PIGL: variants seen among roughly 807,000 people sequenced by gnomAD.
PIGL encodes N-acetylglucosaminyl-phosphatidylinositol de-N-acetylase.
In PIGL, 22 loss-of-function variants were observed where a neutral mutation model predicts 31.1. That is an observed-to-expected ratio of 0.71 (90% CI 0.51 to 1.01). PIGL has a LOEUF of 1.01. PIGL is among the 50% of genes least tolerant of loss of function. The pLI, the probability that PIGL is intolerant of heterozygous loss-of-function variation, is 0.00. For missense variants in PIGL, 302 were observed against 315.9 expected (o/e 0.96, Z 0.33); for synonymous variants, 131 against 117.4 (o/e 1.12, Z -0.75).
At chr17:16,316,822 G>C (rs766411585) in intron 5 of PIGL, 110 bp downstream of exon 5, 1 of 1,548,480 alleles carries the variant, frequency 6.5e-7, no homozygotes, top group Non-Finnish European at 8.8e-7. Flanking sequence ...AGCAGAGGCA[G>C]TGGTTGGGGA....
At chr17:16,299,785 C>T (rs1466100310) in intron 2 of PIGL, 103 bp from the exon 3 acceptor site, 3 of 805,430 alleles carry the variant, frequency 3.7e-6, no homozygotes, top group East Asian at 2.5e-5. Context: ...GGACCCTTAC[C>T]CCCAATGTAA....
chr17:16,262,080 G>A (rs1351139168), intron 2 of PIGL, among the ~76,000 whole-genome samples: 2 of 151,836 alleles, frequency 1.3e-5, no homozygotes, highest in African/African-American at 2.4e-5. Context: ...AAAATTAGCC[G>A]GGTGTGGTGG....
chr17:16,228,879 C>T (rs2092665883), intron 1 of PIGL, among the ~76,000 whole-genome samples: 1 of 152,104 alleles, frequency 6.6e-6, no homozygotes, highest in South Asian at 2.1e-4. Flanking sequence ...CTAGGTAACT[C>T]GAATAAGTGG....
At chr17:16,299,676 A>AGCT (rs2092996214) in intron 2 of PIGL, among the ~76,000 whole-genome samples, 1 of 152,206 alleles carries the variant, frequency 6.6e-6, no homozygotes, top group Admixed American at 6.5e-5. Flanking sequence ...ACAAGCATAA[A>AGCT]GCTCCAAAAG....
intron 3 of PIGL, among the ~76,000 whole-genome samples, chr17:16,303,130 T>C (rs1460587232): frequency 6.6e-6 from 1 of 152,152 alleles, no homozygotes; most frequent in African/African-American, 2.4e-5. Flanking sequence ...CCCAGAAAAG[T>C]GATCTGTGGT....
intron 1 of PIGL, among the ~76,000 whole-genome samples, chr17:16,225,098 A>T (rs2092646151): frequency 6.6e-6 from 1 of 152,136 alleles, no homozygotes; most frequent in African/African-American, 2.4e-5. Flanking sequence ...CTATCTGTTA[A>T]TAGTTTTATA....
At position 16,299,376 on chromosome 17, in the gene PIGL, A is replaced by G. The variant is rs558965043; in HGVS notation, c.336-512A>G. 3.3e-5 allele frequency among the ~76,000 whole-genome samples: 5 copies of G among 150,724 alleles called. No homozygotes were observed. In the East Asian group the frequency reaches 9.9e-4, roughly 30 times the overall value. ...AGGCTGAGGCAGGAACCCCGGAGGCAAAGGTTGTAGTGAGCCGAGATCTCA... is the reference window on the plus strand; with the variant it reads ...AGGCTGAGGCAGGAACCCCGGAGGCGAAGGTTGTAGTGAGCCGAGATCTCA... On this transcript the variant is annotated intron_variant, in intron 2 of 6. Coordinates refer to ENST00000225609, the MANE Select transcript of PIGL (RefSeq NM_004278.4).
At chr17:16,253,408 T>C (rs921297216) in intron 2 of PIGL, among the ~76,000 whole-genome samples, 1 of 152,178 alleles carries the variant, frequency 6.6e-6, no homozygotes, top group Non-Finnish European at 1.5e-5. Context: ...AAAGAAACAA[T>C]TTATAGTTGA....
intron 2 of PIGL, among the ~76,000 whole-genome samples, chr17:16,238,195 CAA>C (rs529480311): frequency 6.9e-5 from 4 of 57,560 alleles, no homozygotes; most frequent in Admixed American, 1.8e-4. Flanking sequence ...GACTCCGTCT[CAA>C]AAAAAAAAAA....
chr17:16,223,092 C>T (rs772313866), intron 1 of PIGL, among the ~76,000 whole-genome samples: 3 of 152,122 alleles, frequency 2.0e-5, no homozygotes, highest in African/African-American at 4.8e-5. Context: ...TCTATGTAGA[C>T]GTTTACAGTC....
intron 1 of PIGL, chr17:16,218,153 C>G (rs2092604972): frequency 6.6e-6 from 1 of 152,156 alleles, no homozygotes. Context: ...TGTACACATA[C>G]AATGGGTGAA....
At chr17:16,274,610 C>T (rs2092886199) in intron 2 of PIGL, among the ~76,000 whole-genome samples, 1 of 151,672 alleles carries the variant, frequency 6.6e-6, no homozygotes, top group Non-Finnish European at 1.5e-5. Context: ...GTAATCTCAG[C>T]TACTTGGGAG....
chr17:16,253,959 T>A (rs76882889), intron 2 of PIGL, among the ~76,000 whole-genome samples: 121 of 150,846 alleles, frequency 8.0e-4, no homozygotes, highest in African/African-American at 2.8e-3. Context: ...AAAAAAAAAA[T>A]AGGACGTCCC....
At chr17:16,303,416 T>G (rs1013827266) in intron 3 of PIGL, among the ~76,000 whole-genome samples, 6 of 152,206 alleles carry the variant, frequency 3.9e-5, no homozygotes, top group African/African-American at 1.4e-4. Flanking sequence ...AAGTCTTTCC[T>G]GTGGTGCTGA....
intron 5 of PIGL, chr17:16,317,147 T>C (rs959270925): frequency 5.9e-6 from 6 of 1,019,304 alleles, no homozygotes; most frequent in Non-Finnish European, 7.1e-6. Flanking sequence ...ATGACCCCCA[T>C]GCTTAGCCTC....
rs1380457419 is a variant in PIGL, at chr17:16,316,664, T to C, written c.495-17T>C. On this transcript the variant is annotated splice_polypyrimidine_tract_variant and intron_variant, in intron 4 of 6. Transcript: ENST00000225609. ...ATGATCCTTACTCCTCTCACTCTTG[T>C]CCTATCCCTCCTCCAGGGCCCTGCA... 10 of 1,595,098 alleles carry C rather than the reference T, an allele frequency of 6.3e-6. No homozygotes were observed. The highest frequency in any genetic ancestry group is 8.6e-6 in the Non-Finnish European group (10 of 1,165,060).
At chr17:16,312,457 G>A (rs1233109666) in intron 3 of PIGL, 2 of 157,844 alleles carry the variant, frequency 1.3e-5, no homozygotes, top group Non-Finnish European at 2.7e-5. Flanking sequence ...GGGCAGAGGG[G>A]CTCCTCACAT....
chr17:16,249,760 T>G (rs898735464), intron 2 of PIGL, among the ~76,000 whole-genome samples: 1 of 152,140 alleles, frequency 6.6e-6, no homozygotes, highest in Non-Finnish European at 1.5e-5. Context: ...GAAATCACCT[T>G]TTTGCTCCAT....
intron 4 of PIGL, among the ~76,000 whole-genome samples, chr17:16,315,817 C>T (rs2093074415): frequency 6.7e-6 from 1 of 149,350 alleles, no homozygotes; most frequent in South Asian, 2.1e-4. Flanking sequence ...CTGCCTCAGC[C>T]TCCTGAGTAG....
Sources: allele counts gnomAD v4.1 joint callset (sites outside exome capture counted in the v4.1 genomes callset), GRCh38; gene constraint gnomAD v4.1.1; transcripts MANE v1.5; gene names NCBI Gene and HGNC (gene_info 2026-07-23, HGNC 2026-07-21).